MICAL2: variants seen among roughly 807,000 people sequenced by gnomAD.
The protein encoded by MICAL2 is [F-actin]-monooxygenase MICAL2.
In MICAL2, 77 loss-of-function variants were observed where a neutral mutation model predicts 127.3. That is an observed-to-expected ratio of 0.60 (90% CI 0.50 to 0.73). The LOEUF (loss-of-function observed/expected upper bound fraction) is 0.73, where lower values mean the gene tolerates loss of function less well. Among genes scored for constraint, MICAL2 ranks in the 30% least tolerant of loss-of-function variants. The pLI is 0.00. For synonymous variants in MICAL2, 570 were observed against 551.1 expected (o/e 1.03, Z -0.48); for missense variants, 1,351 against 1,434.4 (o/e 0.94, Z 0.94).
chr11:12,306,877 A>G (rs1864116779), intron 29 of MICAL2, among the ~76,000 whole-genome samples: 1 of 152,140 alleles, frequency 6.6e-6, no homozygotes. Flanking sequence ...TAGACATGAG[A>G]TGGGGTTTAG....
chr11:12,143,929 C>T (rs956171759), intron 2 of MICAL2, among the ~76,000 whole-genome samples: 17 of 151,868 alleles, frequency 1.1e-4, no homozygotes, highest in Non-Finnish European at 2.5e-4. Flanking sequence ...AGAATAATGG[C>T]GGAGAGAGAG....
chr11:12,280,593 G>T (rs998612606), intron 1 of MICAL2, among the ~76,000 whole-genome samples: 5 of 152,156 alleles, frequency 3.3e-5, no homozygotes, highest in African/African-American at 1.2e-4. Context: ...TTTTCCTTCT[G>T]TGCCTGTGTG....
intron 2 of MICAL2, among the ~76,000 whole-genome samples, chr11:12,281,851 ACCTGG>A (rs1339842711): frequency 1.3e-5 from 2 of 152,206 alleles, no homozygotes; most frequent in Non-Finnish European, 2.9e-5. Flanking sequence ...TACAAAGTTG[ACCTGG>A]AACTGAGTGT....
chr11:12,222,471 C>A (rs1856936980), intron 10 of MICAL2, 146 bp from the exon 11 acceptor site: 2 of 1,116,410 alleles, frequency 1.8e-6, no homozygotes, highest in Non-Finnish European at 2.5e-6. Flanking sequence ...TCTCAAGAAC[C>A]AGGAGAGTCA....
At chr11:12,282,797 G>T (rs958020221) in intron 2 of MICAL2, among the ~76,000 whole-genome samples, 1 of 152,158 alleles carries the variant, frequency 6.6e-6, no homozygotes, top group Non-Finnish European at 1.5e-5. Flanking sequence ...AAATGTGTTC[G>T]ATCATGTCTT....
intron 3 of MICAL2, among the ~76,000 whole-genome samples, chr11:12,179,369 G>A (rs1317743794): frequency 6.6e-6 from 1 of 151,874 alleles, no homozygotes; most frequent in Non-Finnish European, 1.5e-5. Flanking sequence ...CCACCTCCTC[G>A]TACCTCTCAC....
At chr11:12,319,756 C>T (rs1483815996) in exon 30 of MICAL2, 1 of 1,613,592 alleles carries the variant, frequency 6.2e-7, no homozygotes, top group South Asian at 1.1e-5. Flanking sequence ...GCCTCTTCAA[C>T]CTCCTCCTCC....
chr11:12,241,007 G>T (rs1440363553), intron 17 of MICAL2, 33 bp from the exon 18 acceptor site: 2 of 1,610,220 alleles, frequency 1.2e-6, no homozygotes, highest in Non-Finnish European at 1.7e-6. Flanking sequence ...GTCTCCTGTG[G>T]CTGCTTTTTT....
intron 3 of MICAL2, among the ~76,000 whole-genome samples, chr11:12,180,036 C>T (rs1857249554): frequency 1.3e-5 from 2 of 152,336 alleles, no homozygotes; most frequent in African/African-American, 4.8e-5. Context: ...TCCTTGCTCC[C>T]ATATCTTCAC....
downstream of MICAL2, chr11:12,294,824 CCTCCTCCTCCTCCTCCTA>C (rs757641316): frequency 2.0e-5 from 30 of 1,517,500 alleles, no homozygotes; most frequent in Admixed American, 6.0e-5. Context: ...TCCTCCTCCT[CCTCCTCCTCCTCCTCCTA>C]CAGCGGGAGG....
chr11:12,349,992 G>T (rs1939020503), intron 33 of MICAL2: 1 of 1,487,704 alleles, frequency 6.7e-7, no homozygotes, highest in Non-Finnish European at 9.4e-7. Context: ...GGCAAAGGGG[G>T]GTGGCTTACC....
chr11:12,267,457 G>A (rs142127206), downstream of MICAL2, among the ~76,000 whole-genome samples: 245 of 152,076 alleles, frequency 1.6e-3, 1 homozygote, highest in African/African-American at 5.6e-3. Context: ...TAGCAAATTT[G>A]AGGAATATCC....
chr11:12,185,329 G>T (rs972285779), intron 3 of MICAL2, among the ~76,000 whole-genome samples: 4 of 152,054 alleles, frequency 2.6e-5, no homozygotes, highest in Non-Finnish European at 5.9e-5. Flanking sequence ...GCACTGCTGG[G>T]ATAAAAACCA....
chr11:12,244,248 T>G, intron 21 of MICAL2, 136 bp downstream of exon 21: 1 of 1,232,936 alleles, frequency 8.1e-7, no homozygotes, highest in Non-Finnish European at 1.2e-6. Flanking sequence ...ACACCAGTGC[T>G]GGATTCAATT....
In MICAL2 at chr11:12,219,078, A is replaced by G. The variant is rs149745266; in HGVS notation, c.949-1123A>G. On this transcript the variant is annotated intron_variant, in intron 8 of 27. Coordinates refer to ENST00000683283, the MANE Select transcript of MICAL2 (RefSeq NM_001282663.2). ...GAGAGTGGAGACTCTGAAAAGTTAA[A>G]TAACTGGCCCAGATTTAGTTAGTAA... Among the ~76,000 whole-genome samples, 824 of 152,296 alleles carry G rather than the reference A, an allele frequency of 5.4e-3. 7 individuals carry two copies. Among genetic ancestry groups the G allele is most frequent in the African/African-American group, 0.019 (795 of 41,554 alleles).
chr11:12,262,685 C>T (rs1863291201), intron 27 of MICAL2, 148 bp downstream of exon 27: 2 of 712,026 alleles, frequency 2.8e-6, no homozygotes, highest in African/African-American at 1.7e-5. Flanking sequence ...GGTTGGCTAA[C>T]AGCATGGCGG....
chr11:12,167,589 A>AG (rs1429554571), intron 3 of MICAL2, among the ~76,000 whole-genome samples: 1 of 152,178 alleles, frequency 6.6e-6, no homozygotes, highest in Non-Finnish European at 1.5e-5. Flanking sequence ...AGACACTTCA[A>AG]GGGCCACTTT....
downstream of MICAL2, among the ~76,000 whole-genome samples, chr11:12,266,187 T>C (rs1863608707): frequency 6.6e-6 from 1 of 152,152 alleles, no homozygotes; most frequent in South Asian, 2.1e-4. Flanking sequence ...GAAAAAAATA[T>C]GAACTTCATC....
chr11:12,172,462 A>G (rs1856386032), intron 3 of MICAL2, among the ~76,000 whole-genome samples: 2 of 152,282 alleles, frequency 1.3e-5, no homozygotes, highest in Non-Finnish European at 2.9e-5. Flanking sequence ...CAAGAGAATC[A>G]AATGTCTGCA....
Sources: gnomAD v4.1 joint callset for allele counts (sites outside exome capture counted in the v4.1 genomes callset) on GRCh38, gnomAD v4.1.1 for gene constraint, MANE v1.5 for transcripts, NCBI Gene and HGNC (gene_info 2026-07-23, HGNC 2026-07-21) for gene names.